Variants in PLA2R1 observed in about 807,000 individuals in gnomAD.
PLA2R1 encodes the protein phospholipase A2 receptor 1, also known as secretory phospholipase A2 receptor.
PLA2R1 carries 158 observed loss-of-function variants against 195.9 expected under a neutral mutation model. The observed-to-expected ratio is 0.81, with a 90% confidence interval of 0.71 to 0.92. The LOEUF is 0.92. Ranked by LOEUF, PLA2R1 falls within the 40% of genes least tolerant of loss-of-function variation. The pLI, the probability that PLA2R1 is intolerant of heterozygous loss-of-function variation, is 0.00. For synonymous variants in PLA2R1, 586 were observed against 598.2 expected, an observed-to-expected ratio of 0.98 and a Z score of 0.30; for missense variants, 1,626 against 1,764.6, an observed-to-expected ratio of 0.92 and a Z score of 1.41.
At position 160,020,111 on chromosome 2, in the gene PLA2R1, G is replaced by C; in HGVS notation, c.1447C>G (p.Gln483Glu). The change falls in exon 8 of 30, where the codon CAG becomes GAG. Residue 483 changes from glutamine (Q) to glutamate (E), a missense_variant. Transcript: ENST00000283243. ...GAACAAATGAATCAACTTACAGACT[G>C]CTCTGCTGAGACACACAGCTGGCTT... ...NRSQLCVSAE[Q>E]SEGHWKVKNC... The C allele has an allele frequency of 6.2e-7, 1 of 1,612,096 alleles. No homozygotes were observed. The highest frequency in any genetic ancestry group is 8.5e-7 in the Non-Finnish European group (1 of 1,178,810).
downstream of PLA2R1, among the ~76,000 whole-genome samples, chr2:159,929,021 A>G (rs930126339): frequency 6.6e-6 from 1 of 152,270 alleles, no homozygotes; most frequent in Non-Finnish European, 1.5e-5. Flanking sequence ...TCAAGGACTT[A>G]CATCTAAGAC....
rs774488975 is a variant in PLA2R1, at chr2:159,987,207, G to A, written c.1986C>T (p.His662=). The A allele has an allele frequency of 4.3e-6, 7 of 1,613,946 alleles. No individual in the cohort carries two copies. In the South Asian group the frequency reaches 7.7e-5, roughly 18 times the overall value. ...KAEYEERWPF[H]PCYLDWESEP... ...CTGACTCCCAGTCCAAATAGCAGGGGTGAAAGGGCCATCTCTCTTCATACT... is the reference window on the plus strand; with the variant it reads ...CTGACTCCCAGTCCAAATAGCAGGGATGAAAGGGCCATCTCTCTTCATACT... The change falls in exon 12 of 30, where the codon CAC becomes CAT. Residue 662 remains histidine (H), a synonymous_variant. Transcript: ENST00000283243.
intron 11 of PLA2R1, among the ~76,000 whole-genome samples, chr2:159,990,690 C>T (rs1435773522): frequency 6.6e-6 from 1 of 152,226 alleles, no homozygotes; most frequent in East Asian, 1.9e-4. Flanking sequence ...TGCTGTGTAT[C>T]TGCCAGGCAC....
intron 11 of PLA2R1, among the ~76,000 whole-genome samples, chr2:159,990,879 T>C (rs568764042): frequency 6.7e-6 from 1 of 149,962 alleles, no homozygotes; most frequent in South Asian, 2.1e-4. Context: ...TTGGGTCTAC[T>C]GTGAGACAGG....
intron 20 of PLA2R1, 24 bp from the exon 21 acceptor site, chr2:159,956,651 A>G: frequency 1.5e-6 from 2 of 1,321,320 alleles, no homozygotes; most frequent in Non-Finnish European, 2.2e-6. Flanking sequence ...TCAAAACAAA[A>G]CATTCATTTC....
intron 2 of PLA2R1, among the ~76,000 whole-genome samples, chr2:160,043,323 C>T (rs1694665963): frequency 6.6e-6 from 1 of 152,074 alleles, no homozygotes; most frequent in Non-Finnish European, 1.5e-5. Flanking sequence ...GGTGGCTTCT[C>T]AGTGGTCTAG....
chr2:160,010,136 T>C (rs1692260734), intron 10 of PLA2R1, among the ~76,000 whole-genome samples: 1 of 152,052 alleles, frequency 6.6e-6, no homozygotes, highest in South Asian at 2.1e-4. Flanking sequence ...AAAATAAACT[T>C]AGGAGAAAAT....
intron 3 of PLA2R1, among the ~76,000 whole-genome samples, chr2:160,035,970 T>C (rs1573944627): frequency 1.3e-5 from 2 of 152,324 alleles, no homozygotes; most frequent in South Asian, 2.1e-4. Flanking sequence ...TCTCTTTTCT[T>C]GACTTCCCAT....
intron 10 of PLA2R1, among the ~76,000 whole-genome samples, chr2:160,010,747 A>G (rs911060108): frequency 6.6e-6 from 1 of 152,250 alleles, no homozygotes; most frequent in African/African-American, 2.4e-5. Flanking sequence ...AAAGCAGTAC[A>G]GTGTGGACCC....
chr2:160,020,374 T>C, intron 7 of PLA2R1, 111 bp from the exon 8 acceptor site: 1 of 676,282 alleles, frequency 1.5e-6, no homozygotes, highest in South Asian at 2.0e-5. Flanking sequence ...CTTCTTTATT[T>C]CTTTGCATGA....
At chr2:159,976,045 C>T (rs1254524418) in intron 17 of PLA2R1, 23 bp downstream of exon 17, 25 of 1,429,322 alleles carry the variant, frequency 1.7e-5, no homozygotes, top group Middle Eastern at 3.8e-4. Context: ...CTGAATTTTT[C>T]GTGGTGAGTT....
Position 159,946,826 on chromosome 2 carries a change from C to T in PLA2R1, c.3942G>A (p.Trp1314Ter). Residue 1314 changes from tryptophan to a stop codon, truncating the protein, a stop_gained, in exon 27 of 30, where the codon TGG (tryptophan) becomes TGA (stop). Coordinates refer to ENST00000283243, the MANE Select transcript of PLA2R1 (RefSeq NM_007366.5). LOFTEE classifies it high-confidence loss of function. The part of the protein sequence containing the change: ...FAFGSSVQMV[W>*]LNAQFDGNNE... ...TGTTACCATCAAATTGAGCATTCAA[C>T]CAAACCATCTGGACAGAAGAACCAA... is the stretch of plus-strand genomic sequence containing the variant. 6.2e-7 allele frequency: 1 copy of T among 1,609,496 alleles called. No individual in the cohort carries two copies. Among genetic ancestry groups the T allele is most frequent in the Non-Finnish European group, 8.5e-7 (1 of 1,178,586 alleles).
Position 159,946,798 on chromosome 2 carries a change from T to G in PLA2R1, c.3967+3A>C, listed in dbSNP as rs1388268932. 6.2e-7 allele frequency: 1 copy of G among 1,604,434 alleles called. No individual in the cohort carries two copies. The highest frequency in any genetic ancestry group is 2.2e-5 in the East Asian group (1 of 44,480). On this transcript the variant is annotated splice_donor_region_variant and intron_variant, in intron 27 of 29. Coordinates refer to ENST00000283243, the MANE Select transcript of PLA2R1 (RefSeq NM_007366.5). ...TGTCCTCTCCTCTACCCAAATCACT[T>G]ACTGTTACCATCAAATTGAGCATTC...
Position 160,044,922 on chromosome 2 carries a change from C to A in PLA2R1, c.345G>T (p.Trp115Cys), listed in dbSNP as rs2105615348. Residue 115 changes from tryptophan to cysteine, a missense_variant, in exon 2 of 30, where the codon TGG becomes TGT. Trp to Cys is a radical substitution (Grantham distance 215). Transcript: ENST00000283243. ...CTGTGATCATCTTCCTGTTACAGCG[C>A]CACCGTAAGGAAACGAGGGTGGAGT... ...ECDSTLVSLRWRCNRKMITGP... is the reference protein window; with the variant it reads ...ECDSTLVSLRCRCNRKMITGP... The A allele has an allele frequency of 6.2e-7, 1 of 1,614,180 alleles. No homozygotes were observed. Among genetic ancestry groups the A allele is most frequent in the Non-Finnish European group, 8.5e-7 (1 of 1,180,018 alleles).
At chr2:160,031,325 T>C (rs1389924809) in intron 4 of PLA2R1, among the ~76,000 whole-genome samples, 4 of 152,244 alleles carry the variant, frequency 2.6e-5, no homozygotes, top group African/African-American at 7.2e-5. Flanking sequence ...ATCTCTAATA[T>C]ATTACCACTA....
intron 17 of PLA2R1, among the ~76,000 whole-genome samples, chr2:159,971,258 A>C (rs1368703733): frequency 6.6e-6 from 1 of 152,196 alleles, no homozygotes; most frequent in Non-Finnish European, 1.5e-5. Flanking sequence ...CAATAAAAAA[A>C]CCACTTAATC....
At chr2:159,972,758 T>C (rs1434558376) in intron 17 of PLA2R1, among the ~76,000 whole-genome samples, 4 of 152,214 alleles carry the variant, frequency 2.6e-5, no homozygotes, top group Admixed American at 2.0e-4. Context: ...AAACAACTCC[T>C]AAAGTGCTTG....
chr2:160,048,918 G>A (rs2105646536), intron 1 of PLA2R1, among the ~76,000 whole-genome samples: 1 of 144,044 alleles, frequency 6.9e-6, no homozygotes, highest in East Asian at 2.0e-4. Context: ...TCGGCTCACT[G>A]CAAGCTCCGC....
At chr2:159,962,813 T>C (rs1193702174) in intron 20 of PLA2R1, among the ~76,000 whole-genome samples, 1 of 152,004 alleles carries the variant, frequency 6.6e-6, no homozygotes, top group African/African-American at 2.4e-5. Context: ...ATGTTCTCAC[T>C]CATAAGTGGG....
Sources: allele counts gnomAD v4.1 joint callset (sites outside exome capture counted in the v4.1 genomes callset), GRCh38; gene constraint gnomAD v4.1.1; transcripts MANE v1.5; gene names NCBI Gene and HGNC (gene_info 2026-07-23, HGNC 2026-07-21).